The following ASTN2 variants were observed in gnomAD, a reference collection of about 807,000 sequenced individuals.
ASTN2 encodes astrotactin 2, also known as astrotactin-2.
In ASTN2, 54 loss-of-function variants were observed where a neutral mutation model predicts 139.8. The observed-to-expected ratio is 0.39, with a 90% CI of 0.31 to 0.48. ASTN2 has a LOEUF of 0.48. ASTN2 is among the 20% of genes least tolerant of loss of function. The probability of loss-of-function intolerance (pLI) is 0.95; values close to 1 mark genes in which losing one functional copy is unlikely to be tolerated. For missense variants in ASTN2, 1,565 were observed against 1,725.1 expected (o/e 0.91, Z 1.64); for synonymous variants, 756 against 719.5 (o/e 1.05, Z -0.81).
At chr9:116,508,822 A>C (rs1488417319) in intron 19 of ASTN2, among the ~76,000 whole-genome samples, 1 of 152,130 alleles carries the variant, frequency 6.6e-6, no homozygotes, top group Non-Finnish European at 1.5e-5. Flanking sequence ...TAGAGGGCAA[A>C]GAAGAAAGTG....
chr9:116,788,321 GTTT>G (rs1285362593), intron 13 of ASTN2, among the ~76,000 whole-genome samples: 3 of 152,068 alleles, frequency 2.0e-5, no homozygotes, highest in Non-Finnish European at 4.4e-5. Context: ...GCTTTGAAAA[GTTT>G]TTTAATATTC....
At chr9:116,443,525 G>C (rs1847899725) in intron 20 of ASTN2, among the ~76,000 whole-genome samples, 2 of 152,080 alleles carry the variant, frequency 1.3e-5, no homozygotes, top group Admixed American at 6.5e-5. Flanking sequence ...ACGTAGACCT[G>C]GTAGATTCAA....
chr9:116,722,550 G>T (rs1329596052), intron 16 of ASTN2, among the ~76,000 whole-genome samples: 2 of 146,260 alleles, frequency 1.4e-5, no homozygotes, highest in African/African-American at 2.8e-5. Flanking sequence ...CTAGGGTGAA[G>T]GAAGAACTGG....
intron 5 of ASTN2, among the ~76,000 whole-genome samples, chr9:117,040,238 T>C (rs1838517588): frequency 6.6e-6 from 1 of 152,172 alleles, no homozygotes; most frequent in African/African-American, 2.4e-5. Flanking sequence ...CAATTTTCAC[T>C]CCTCCCTTCC....
At chr9:116,861,710 C>G (rs917885190) in intron 11 of ASTN2, among the ~76,000 whole-genome samples, 1 of 152,206 alleles carries the variant, frequency 6.6e-6, no homozygotes, top group Non-Finnish European at 1.5e-5. Flanking sequence ...GTTAATCCCC[C>G]TGACCAGCAA....
At position 117,414,775 on chromosome 9, in the gene ASTN2, G is replaced by A. The variant is rs1831281244; in HGVS notation, c.164C>T (p.Ala55Val). 2 of 1,263,204 alleles carry A rather than the reference G, an allele frequency of 1.6e-6. No homozygotes were observed. Among genetic ancestry groups the A allele is most frequent in the South Asian group, 2.3e-5 (1 of 43,758 alleles). 78.2% of individuals were successfully genotyped at this position (1,263,204 alleles called of 1,614,324 possible). ...PPLLAGATAAASREPDSPCRL... is the reference protein window; with the variant it reads ...PPLLAGATAAVSREPDSPCRL... Reference sequence around the variant, plus strand: ...GCACGGGCTGTCGGGCTCCCGCGAGGCAGCGGCGGTGGCGCCGGCCAGCAG... The same window carrying A: ...GCACGGGCTGTCGGGCTCCCGCGAGACAGCGGCGGTGGCGCCGGCCAGCAG... The change falls in exon 1 of 23, where the codon GCC becomes GTC. Residue 55 changes from alanine (A) to valine (V), a missense_variant. Coordinates refer to ENST00000313400, the MANE Select transcript of ASTN2 (RefSeq NM_001365068.1). This position sits in a 1 kb window ranked among gnomAD's most constrained non-coding sequence, Gnocchi z 4.2.
At chr9:116,888,864 C>T (rs187883687) in intron 10 of ASTN2, among the ~76,000 whole-genome samples, 5 of 152,232 alleles carry the variant, frequency 3.3e-5, no homozygotes, top group South Asian at 4.1e-4. Flanking sequence ...CCACAATCCC[C>T]CCTCAAGGTC....
At chr9:116,749,450 C>T (rs180704436) in intron 13 of ASTN2, among the ~76,000 whole-genome samples, 13 of 152,252 alleles carry the variant, frequency 8.5e-5, no homozygotes, top group African/African-American at 2.2e-4. Context: ...GAATCCTTCC[C>T]GCCCGCCACT....
chr9:117,001,616 T>C (rs974132968), intron 7 of ASTN2, among the ~76,000 whole-genome samples: 2 of 152,154 alleles, frequency 1.3e-5, no homozygotes, highest in Non-Finnish European at 2.9e-5. Flanking sequence ...AGAATCATTA[T>C]AAACTTTTCT....
chr9:117,241,932 C>CA (rs1345378127), intron 2 of ASTN2, among the ~76,000 whole-genome samples: 184 of 147,874 alleles, frequency 1.2e-3, no homozygotes, highest in African/African-American at 3.6e-3. Context: ...TTACCCCCCC[C>CA]CACACACACA....
At chr9:116,688,880 A>G (rs954196534) in intron 16 of ASTN2, among the ~76,000 whole-genome samples, 3 of 104,726 alleles carry the variant, frequency 2.9e-5, no homozygotes, top group Non-Finnish European at 7.6e-5. Context: ...CAACCACCAG[A>G]AAAAAAAAAG....
chr9:117,414,813 CAGCAGG>C lies in ASTN2; in HGVS notation c.120_125del (p.Leu41_Leu42del). The C allele has an allele frequency of 8.2e-7, 1 of 1,220,038 alleles. No individual in the cohort carries two copies. Among genetic ancestry groups the C allele is most frequent in the Non-Finnish European group, 1.0e-6 (1 of 979,414 alleles). 75.6% of individuals were successfully genotyped at this position (1,220,038 alleles called of 1,614,324 possible). A position where few individuals can be genotyped will look rare whatever the true frequency, so the allele number is the denominator to read the frequency against. ...CGCCGGCCAGCAGCGGCGGCGGCGGCAGCAGGAGCAGGAACAGCAGCAGCAGCGGCA... is the reference window on the plus strand; with the variant it reads ...CGCCGGCCAGCAGCGGCGGCGGCGGCAGCAGGAACAGCAGCAGCAGCGGCA... On this transcript the variant is annotated inframe_deletion, in exon 1 of 23. Transcript: ENST00000313400. The surrounding 1 kb of genome is among the most constrained non-coding windows in gnomAD (Gnocchi z 4.2).
chr9:116,539,373 C>T (rs186780010), intron 19 of ASTN2, among the ~76,000 whole-genome samples: 1 of 145,474 alleles, frequency 6.9e-6, no homozygotes, highest in Non-Finnish European at 1.5e-5. Context: ...TTAAAAAAAT[C>T]TATGAGGGAG....
intron 19 of ASTN2, among the ~76,000 whole-genome samples, chr9:116,587,689 T>C (rs1178990559): frequency 1.3e-5 from 2 of 152,178 alleles, no homozygotes. Flanking sequence ...TTACTAGTTA[T>C]ATGTCCTTGG....
intron 12 of ASTN2, among the ~76,000 whole-genome samples, chr9:116,808,820 C>T (rs1453673577): frequency 2.6e-5 from 4 of 152,136 alleles, no homozygotes; most frequent in African/African-American, 9.7e-5. Flanking sequence ...CTACATCTTT[C>T]ATGTTCATTA....
chr9:117,311,802 C>T (rs28676825), intron 1 of ASTN2, among the ~76,000 whole-genome samples: 14,448 of 152,184 alleles, frequency 0.095, 1,810 homozygotes, highest in African/African-American at 0.29. Flanking sequence ...ACGTGGCCCA[C>T]AGTAGATGCT....
At chr9:116,633,499 T>C (rs533933526) in intron 17 of ASTN2, among the ~76,000 whole-genome samples, 2 of 152,306 alleles carry the variant, frequency 1.3e-5, no homozygotes, top group South Asian at 4.2e-4. Context: ...TGCTGTCCTT[T>C]GATAGATAGA....
chr9:116,671,206 CA>C (rs1232101278), intron 16 of ASTN2, among the ~76,000 whole-genome samples: 2 of 152,018 alleles, frequency 1.3e-5, no homozygotes, highest in African/African-American at 4.8e-5. Context: ...TACGTATTAA[CA>C]GAGTAAGAGG....
intron 13 of ASTN2, among the ~76,000 whole-genome samples, chr9:116,803,481 AATATATATATATATATATATATATATAT>A (rs1168011369): frequency 1.2e-5 from 1 of 80,110 alleles, no homozygotes; most frequent in Non-Finnish European, 2.6e-5. Context: ...AAGTTCGAAT[AATATATATATATATATATATATATATAT>A]ATATATATAT....
Sources: gnomAD v4.1 joint callset for allele counts (sites outside exome capture counted in the v4.1 genomes callset) on GRCh38, gnomAD v4.1.1 for gene constraint, Gnocchi (gnomAD v3.1) non-coding constraint, MANE v1.5 for transcripts, NCBI Gene and HGNC (gene_info 2026-07-23, HGNC 2026-07-21) for gene names.